The following MEGF11 variants were observed in gnomAD, a reference collection of about 807,000 sequenced individuals.
MEGF11 encodes multiple epidermal growth factor-like domains protein 11.
Under a neutral mutation model 146.6 loss-of-function variants are expected in MEGF11, and 126 were observed. The ratio of observed to expected loss-of-function variants is 0.86; its 90% confidence interval spans 0.74 to 1.00. The LOEUF (loss-of-function observed/expected upper bound fraction) is 1.00. Among genes scored for constraint, MEGF11 ranks in the 50% least tolerant of loss-of-function variants. MEGF11 has a pLI of 0.00. For missense variants in MEGF11, 1,509 were observed against 1,521.2 expected (o/e 0.99, Z 0.13); for synonymous variants, 532 against 583.4 (o/e 0.91, Z 1.27).
At chr15:66,204,350 G>T (rs2140103174) in intron 1 of MEGF11, among the ~76,000 whole-genome samples, 1 of 152,166 alleles carries the variant, frequency 6.6e-6, no homozygotes, top group East Asian at 1.9e-4. Flanking sequence ...GGTTTCAGTG[G>T]GCCGAGATTG....
chr15:65,992,002 G>A (rs2082058689), intron 5 of MEGF11, among the ~76,000 whole-genome samples: 1 of 152,256 alleles, frequency 6.6e-6, no homozygotes, highest in Non-Finnish European at 1.5e-5. Flanking sequence ...GGAGCTCTGG[G>A]CAAGCTGTCT....
chr15:65,988,050 C>T (rs1470895014), intron 5 of MEGF11, among the ~76,000 whole-genome samples: 1 of 149,078 alleles, frequency 6.7e-6, no homozygotes. Context: ...CTCTGTCCCC[C>T]AGGCTGGAGT....
chr15:66,033,935 C>T (rs751441938), intron 5 of MEGF11, among the ~76,000 whole-genome samples: 2 of 152,216 alleles, frequency 1.3e-5, no homozygotes, highest in African/African-American at 4.8e-5. Flanking sequence ...GGATTACAGG[C>T]GCCCACCACC....
intron 10 of MEGF11, among the ~76,000 whole-genome samples, chr15:65,952,562 T>C (rs1024297798): frequency 6.6e-6 from 1 of 152,188 alleles, no homozygotes; most frequent in Admixed American, 6.5e-5. Flanking sequence ...CTGTTCACCC[T>C]GGTGTTCTGT....
chr15:66,186,747 T>C (rs573164895), intron 1 of MEGF11, among the ~76,000 whole-genome samples: 86 of 152,344 alleles, frequency 5.6e-4, no homozygotes, highest in African/African-American at 2.0e-3. Flanking sequence ...AAAATCTAAC[T>C]GAGAGATGGT....
At chr15:66,027,719 C>T (rs1031093887) in intron 5 of MEGF11, among the ~76,000 whole-genome samples, 5 of 152,194 alleles carry the variant, frequency 3.3e-5, no homozygotes, top group African/African-American at 1.2e-4. Context: ...TCTTTTTCAG[C>T]TCCCAGTGGT....
rs745493158 is a variant in MEGF11 at position 65,898,757 on chromosome 15, G to T, written c.3233C>A (p.Ser1078Ter). The part of the protein sequence containing the change: ...GSPYTDVPSL[S>*]TSNKNIYEVE... The stretch of plus-strand genomic sequence containing the variant: ...TTCATATATATTTTTATTAGATGTC[G>T]ACAAGGATGGCACATCTGTGTACGG... Residue 1078 changes from serine to a stop codon, truncating the protein, a stop_gained, in exon 25 of 26, where the codon TCG becomes TAG. Transcript: ENST00000395614. LOFTEE classifies it high-confidence loss of function. The T allele has an allele frequency of 3.7e-5, 60 of 1,613,688 alleles. No homozygotes were observed. Among genetic ancestry groups the T allele is most frequent in the Non-Finnish European group, 4.8e-5 (57 of 1,179,800 alleles).
At chr15:66,048,482 G>T (rs965926055) in intron 5 of MEGF11, among the ~76,000 whole-genome samples, 2 of 152,228 alleles carry the variant, frequency 1.3e-5, no homozygotes, top group African/African-American at 4.8e-5. Context: ...GGCTCTGTGG[G>T]CTTAGCAGCC....
chr15:65,928,567 A>C, intron 12 of MEGF11, 40 bp from the exon 13 acceptor site: 2 of 1,416,184 alleles, frequency 1.4e-6, no homozygotes, highest in Non-Finnish European at 2.0e-6. Flanking sequence ...TCAGACCCAA[A>C]CCTCCAGAGG....
At chr15:66,119,553 G>A (rs911505672) in intron 3 of MEGF11, among the ~76,000 whole-genome samples, 2 of 152,162 alleles carry the variant, frequency 1.3e-5, no homozygotes, top group African/African-American at 4.8e-5. Context: ...CTGGATAGGA[G>A]TCAGGCCCTG....
chr15:66,189,848 C>A, intron 1 of MEGF11, among the ~76,000 whole-genome samples: 1 of 55,022 alleles, frequency 1.8e-5, no homozygotes. Flanking sequence ...GCATTAAATC[C>A]CACTCGAAAG....
At chr15:66,038,481 A>G (rs1465484) in intron 5 of MEGF11, among the ~76,000 whole-genome samples, 43,268 of 151,972 alleles carry the variant, frequency 0.28, 7,699 homozygotes, top group East Asian at 0.63. Flanking sequence ...GTTTTTCACT[A>G]TTTCCTCTCC....
chr15:66,116,791 C>T (rs2087751752), intron 4 of MEGF11, among the ~76,000 whole-genome samples: 1 of 152,204 alleles, frequency 6.6e-6, no homozygotes, highest in Non-Finnish European at 1.5e-5. Context: ...AGGGAACTGA[C>T]ATTTACTCAA....
chr15:66,053,717 T>C (rs2084554148), intron 5 of MEGF11, among the ~76,000 whole-genome samples: 4 of 64,142 alleles, frequency 6.2e-5, no homozygotes, highest in Non-Finnish European at 7.8e-5. Context: ...TGGCACCAAT[T>C]TTTTTTTTTT....
intron 1 of MEGF11, among the ~76,000 whole-genome samples, chr15:66,242,337 A>T (rs1204463896): frequency 6.7e-6 from 1 of 149,694 alleles, no homozygotes; most frequent in East Asian, 2.1e-4. Context: ...TGAGCCTGGG[A>T]TGTCGAGGTT....
intron 1 of MEGF11, among the ~76,000 whole-genome samples, chr15:66,156,396 T>C: frequency 6.6e-6 from 1 of 151,836 alleles, no homozygotes; most frequent in Non-Finnish European, 1.5e-5. Flanking sequence ...ATTTCAAAAT[T>C]CAAGCCACCA....
chr15:66,243,188 C>T (rs1444775517), intron 1 of MEGF11, among the ~76,000 whole-genome samples: 4 of 152,326 alleles, frequency 2.6e-5, no homozygotes, highest in Admixed American at 6.5e-5. Context: ...CCTGAGAGGC[C>T]GGAGAAGCTG....
At chr15:66,177,163 A>G (rs1466914134) in intron 1 of MEGF11, among the ~76,000 whole-genome samples, 1 of 152,134 alleles carries the variant, frequency 6.6e-6, no homozygotes, top group Non-Finnish European at 1.5e-5. Context: ...ATCTTCCCCC[A>G]AATTATTCAT....
At chr15:66,177,908 C>G (rs1464700323) in intron 1 of MEGF11, among the ~76,000 whole-genome samples, 2 of 152,128 alleles carry the variant, frequency 1.3e-5, no homozygotes, top group Non-Finnish European at 2.9e-5. Context: ...TGGTCTGGAA[C>G]ACCTGAGCTT....
Sources: allele counts gnomAD v4.1 joint callset (sites outside exome capture counted in the v4.1 genomes callset), GRCh38; gene constraint gnomAD v4.1.1; transcripts MANE v1.5; gene names NCBI Gene and HGNC (gene_info 2026-07-23, HGNC 2026-07-21).